PLCH1: variants seen among roughly 807,000 people sequenced by gnomAD.
The protein encoded by PLCH1 is 1-phosphatidylinositol 4,5-bisphosphate phosphodiesterase eta-1.
PLCH1 carries 60 observed loss-of-function variants against 126.7 expected under a neutral mutation model. That is an observed-to-expected ratio of 0.47 (90% CI 0.38 to 0.59). The LOEUF is 0.59. Ranked by LOEUF, PLCH1 falls within the 20% of genes least tolerant of loss-of-function variation. The pLI, the probability that PLCH1 is intolerant of heterozygous loss-of-function variation, is 0.00. For synonymous variants in PLCH1, 719 were observed against 734.9 expected (o/e 0.98, Z 0.35); for missense variants, 1,723 against 2,040.0 (o/e 0.84, Z 2.99).
rs747973543 is a variant in PLCH1, at chr3:155,488,791, C to T, written c.2408G>A (p.Trp803Ter). 1.2e-6 allele frequency: 2 copies of T among 1,611,954 alleles called. No homozygotes were observed. Among genetic ancestry groups the T allele is most frequent in the Non-Finnish European group, 1.7e-6 (2 of 1,179,320 alleles). The change falls in exon 20 of 23, where the codon TGG (tryptophan) becomes TAG (stop). Residue 803 changes from tryptophan (W) to a stop codon, truncating the protein, a stop_gained. Coordinates refer to ENST00000460012, the MANE Select transcript of PLCH1 (RefSeq NM_014996.4). LOFTEE classifies it high-confidence loss of function. ...TACTGTAAATGTCAGTGTTTCTTCC[C>T]ACACAGGGTTAAATCCTCAGAGAAA... ...VVDDNGFNPVWEETLTFTVHM... is the reference protein window; with the variant it reads ...VVDDNGFNPV
chr3:155,653,234 G>A lies in PLCH1; in HGVS notation c.79+50912C>T, dbSNP rs139627200. ...CAGTCTCACTGTGTTGCCCAGGCTG[G>A]TCTCAAACTCCTGGCCTCAAGCAAT... is the stretch of plus-strand genomic sequence containing the variant. On this transcript the variant is annotated intron_variant, in intron 2 of 22. Transcript: ENST00000460012. 1.3e-3 allele frequency among the ~76,000 whole-genome samples: 203 copies of A among 152,216 alleles called. 1 individual carries two copies. The highest frequency in any genetic ancestry group is 4.7e-3 in the African/African-American group (195 of 41,520).
At chr3:155,534,411 G>A (rs1723082564) in intron 10 of PLCH1, among the ~76,000 whole-genome samples, 1 of 152,144 alleles carries the variant, frequency 6.6e-6, no homozygotes, top group Non-Finnish European at 1.5e-5. Context: ...TTTTGGAATG[G>A]GAGCATTTAT....
intron 2 of PLCH1, among the ~76,000 whole-genome samples, chr3:155,701,219 A>C (rs1426269656): frequency 6.6e-6 from 1 of 152,224 alleles, no homozygotes; most frequent in Non-Finnish European, 1.5e-5. Context: ...TAGGTTTAAC[A>C]GTCTCTTTCT....
At chr3:155,703,525 A>C (rs1350961017) in intron 2 of PLCH1, among the ~76,000 whole-genome samples, 10 of 152,224 alleles carry the variant, frequency 6.6e-5, no homozygotes, top group Admixed American at 6.5e-4. Context: ...AATTTGTCTT[A>C]GTTTGCCATG....
intron 2 of PLCH1, among the ~76,000 whole-genome samples, chr3:155,628,290 T>C (rs1577186132): frequency 6.7e-6 from 1 of 148,348 alleles, no homozygotes; most frequent in Non-Finnish European, 1.5e-5. Flanking sequence ...CATAAAAGAA[T>C]TACCTGACCT....
chr3:155,501,647 T>A (rs1026069716), intron 13 of PLCH1, among the ~76,000 whole-genome samples: 3 of 151,600 alleles, frequency 2.0e-5, no homozygotes, highest in Admixed American at 6.6e-5. Context: ...ATACAAAAAT[T>A]AGCTGGGCGT....
chr3:155,486,013 C>T, intron 21 of PLCH1: 1 of 645,774 alleles, frequency 1.5e-6, no homozygotes, highest in South Asian at 2.0e-5. Context: ...CTATGAACTT[C>T]AGGCGCCTTA....
chr3:155,453,065 C>T (rs368991878), intron 21 of PLCH1, among the ~76,000 whole-genome samples: 2 of 152,238 alleles, frequency 1.3e-5, no homozygotes, highest in East Asian at 1.9e-4. Flanking sequence ...TCTGATGAAG[C>T]TTATTTTCCA....
chr3:155,683,028 C>T (rs1744658824), intron 2 of PLCH1, among the ~76,000 whole-genome samples: 1 of 152,244 alleles, frequency 6.6e-6, no homozygotes, highest in African/African-American at 2.4e-5. Flanking sequence ...ATCACACACA[C>T]TTGTCAAATA....
intron 21 of PLCH1, among the ~76,000 whole-genome samples, chr3:155,462,870 T>C (rs1284389777): frequency 6.6e-6 from 1 of 152,174 alleles, no homozygotes; most frequent in Non-Finnish European, 1.5e-5. Context: ...GGCTCCCCAG[T>C]GGATGCCTGG....
At chr3:155,583,726 G>T in intron 5 of PLCH1, 84 bp from the exon 6 acceptor site, 2 of 933,964 alleles carry the variant, frequency 2.1e-6, no homozygotes, top group Non-Finnish European at 3.1e-6. Context: ...TACTATAAAA[G>T]AGCTAGTACA....
intron 21 of PLCH1, among the ~76,000 whole-genome samples, chr3:155,470,935 A>C (rs1713192462): frequency 6.6e-6 from 1 of 152,150 alleles, no homozygotes; most frequent in African/African-American, 2.4e-5. Context: ...AGCGCTAAAC[A>C]TGGAAAGGAA....
intron 12 of PLCH1, among the ~76,000 whole-genome samples, chr3:155,512,620 T>C (rs534607281): frequency 6.6e-6 from 1 of 152,236 alleles, no homozygotes; most frequent in Admixed American, 6.5e-5. Context: ...ATGAAAGCCA[T>C]GTGGTAAGAG....
chr3:155,460,621 C>G (rs1381711311), intron 21 of PLCH1, among the ~76,000 whole-genome samples: 3 of 152,132 alleles, frequency 2.0e-5, no homozygotes, highest in Non-Finnish European at 2.9e-5. Flanking sequence ...GAAGCAATAT[C>G]TCCTCCCAAG....
At chr3:155,496,405 C>T (rs983880221) in intron 15 of PLCH1, among the ~76,000 whole-genome samples, 27 of 151,986 alleles carry the variant, frequency 1.8e-4, no homozygotes, top group African/African-American at 5.3e-4. Context: ...CATGCTCTCA[C>T]ATGTGAAATT....
intron 2 of PLCH1, among the ~76,000 whole-genome samples, chr3:155,663,012 A>G (rs1742350982): frequency 6.6e-6 from 1 of 152,198 alleles, no homozygotes; most frequent in Non-Finnish European, 1.5e-5. Flanking sequence ...ATAATTTAAA[A>G]AAGTATTAAA....
At chr3:155,666,451 C>A (rs139949511) in intron 2 of PLCH1, among the ~76,000 whole-genome samples, 106 of 152,276 alleles carry the variant, frequency 7.0e-4, no homozygotes, top group African/African-American at 2.5e-3. Context: ...TGATCCTAAA[C>A]ATATATTTAT....
At chr3:155,554,220 C>G in intron 8 of PLCH1, 24 bp from the exon 9 acceptor site, 1 of 1,607,766 alleles carries the variant, frequency 6.2e-7, no homozygotes, top group East Asian at 2.2e-5. Flanking sequence ...AACTTTATAT[C>G]AACAACCCAA....
At chr3:155,743,674 T>C (rs1047032085) in intron 1 of PLCH1, 3 of 377,590 alleles carry the variant, frequency 7.9e-6, no homozygotes, top group African/African-American at 6.5e-5. Context: ...CCGCCTCTTC[T>C]GGGAAATCCT....
Sources: allele counts gnomAD v4.1 joint callset (sites outside exome capture counted in the v4.1 genomes callset), GRCh38; gene constraint gnomAD v4.1.1; transcripts MANE v1.5; gene names NCBI Gene and HGNC (gene_info 2026-07-23, HGNC 2026-07-21).